The following SIPA1L1 variants were observed in gnomAD, a reference collection of about 807,000 sequenced individuals.
SIPA1L1 encodes the protein signal induced proliferation associated 1 like 1.
SIPA1L1 carries 26 observed loss-of-function variants against 162.7 expected under a neutral mutation model. The observed-to-expected ratio is 0.16, with a 90% CI of 0.12 to 0.22. The LOEUF is 0.22. SIPA1L1 is among the 10% of genes least tolerant of loss of function. The pLI is 1.00. For synonymous variants in SIPA1L1, 829 were observed against 837.4 expected, an observed-to-expected ratio of 0.99 and a Z score of 0.17; for missense variants, 1,874 against 2,241.0, an observed-to-expected ratio of 0.84 and a Z score of 3.31.
At chr14:71,733,918 C>T in intron 21 of SIPA1L1, 106 bp downstream of exon 21, 1 of 1,197,774 alleles carries the variant, frequency 8.3e-7, no homozygotes. Context: ...TGTGCCTCAC[C>T]AGATGAGCTA....
At position 71,718,563 on chromosome 14, in the gene SIPA1L1, T is replaced by C. The variant is rs112731228; in HGVS notation, c.4209-5084T>C. 1.8e-3 allele frequency among the ~76,000 whole-genome samples: 269 copies of C among 152,274 alleles called. 1 individual carries two copies. Among genetic ancestry groups the C allele is most frequent in the Admixed American group, 3.6e-3 (55 of 15,302 alleles). ...TACTTGGGGGGCTAAGGTGGAAGGA[T>C]CGCTTAAGCCCAGGAGGCTGAGGCT... On this transcript the variant is annotated intron_variant, in intron 17 of 23. Coordinates refer to ENST00000381232, the MANE Select transcript of SIPA1L1 (RefSeq NM_001386936.1).
chr14:71,406,586 CT>C (rs1271706248), intron 2 of SIPA1L1, among the ~76,000 whole-genome samples: 1 of 146,022 alleles, frequency 6.8e-6, no homozygotes, highest in Non-Finnish European at 1.6e-5. Context: ...ATTAGATTAC[CT>C]TGGGGGGATT....
chr14:71,530,967 T>C (rs2053388179), intron 4 of SIPA1L1, among the ~76,000 whole-genome samples: 1 of 152,228 alleles, frequency 6.6e-6, no homozygotes. Context: ...TTGGGTATCC[T>C]AGTGATCTGT....
At chr14:71,660,287 A>G (rs2043399521) in intron 9 of SIPA1L1, among the ~76,000 whole-genome samples, 1 of 152,180 alleles carries the variant, frequency 6.6e-6, no homozygotes, top group Admixed American at 6.5e-5. Context: ...TTTGTATATC[A>G]TATTTAGAAA....
chr14:71,395,237 GTTGTT>G (rs997432065), intron 2 of SIPA1L1, among the ~76,000 whole-genome samples: 4 of 152,174 alleles, frequency 2.6e-5, no homozygotes, highest in African/African-American at 9.6e-5. Flanking sequence ...CAGAGCATGT[GTTGTT>G]TTGTTTTGTG....
chr14:71,396,224 C>G (rs1247151189), intron 2 of SIPA1L1, among the ~76,000 whole-genome samples: 1 of 152,116 alleles, frequency 6.6e-6, no homozygotes, highest in Non-Finnish European at 1.5e-5. Flanking sequence ...TGTTCTAGAT[C>G]CCATCAATAT....
In SIPA1L1 at chr14:71,529,371, G is replaced by GT; in HGVS notation, c.-303+2dup. On this transcript the variant is annotated splice_donor_variant, in intron 4 of 23. Transcript: ENST00000381232. LOFTEE classifies it low-confidence loss of function (5UTR_SPLICE). ...TCGGTAGCCATGGCACAAGAATATA[G>GT]TAAGTACTATGCCATACTTCCTATG... is the stretch of plus-strand genomic sequence containing the variant. 1 of 680,500 alleles carries GT rather than the reference G, an allele frequency of 1.5e-6. No individual in the cohort carries two copies. Among genetic ancestry groups the GT allele is most frequent in the South Asian group, 1.6e-5 (1 of 63,302 alleles). The allele number at this position is 680,500 out of a possible 1,614,324, so 42.2% of individuals were successfully genotyped here. A position where few individuals can be genotyped will look rare whatever the true frequency, so the allele number is the denominator to read the frequency against.
intron 4 of SIPA1L1, among the ~76,000 whole-genome samples, chr14:71,558,720 G>C (rs1482771319): frequency 2.0e-5 from 3 of 152,150 alleles, no homozygotes; most frequent in African/African-American, 7.2e-5. Flanking sequence ...GATTTGCTCT[G>C]TCACCCAGGC....
At chr14:71,522,498 A>G (rs941029073) in intron 3 of SIPA1L1, among the ~76,000 whole-genome samples, 1 of 152,186 alleles carries the variant, frequency 6.6e-6, no homozygotes, top group African/African-American at 2.4e-5. Context: ...TTTCTAGTTG[A>G]GCATCCCTAT....
intron 2 of SIPA1L1, among the ~76,000 whole-genome samples, chr14:71,471,234 G>C (rs892902546): frequency 6.6e-6 from 1 of 152,168 alleles, no homozygotes; most frequent in South Asian, 2.1e-4. Context: ...ACTTTGGGAG[G>C]CTGAGGCAGG....
At chr14:71,717,283 T>A (rs2083346557) in intron 17 of SIPA1L1, among the ~76,000 whole-genome samples, 1 of 152,178 alleles carries the variant, frequency 6.6e-6, no homozygotes, top group Admixed American at 6.5e-5. Context: ...GAATCTAAGG[T>A]TGTTCCTTTT....
intron 4 of SIPA1L1, among the ~76,000 whole-genome samples, chr14:71,562,067 T>C (rs577862006): frequency 6.6e-6 from 1 of 152,154 alleles, no homozygotes; most frequent in South Asian, 2.1e-4. Flanking sequence ...TTAATATTTT[T>C]TCTGAACAAT....
chr14:71,493,535 C>A (rs1321580852), intron 2 of SIPA1L1, among the ~76,000 whole-genome samples: 1 of 152,200 alleles, frequency 6.6e-6, no homozygotes, highest in Non-Finnish European at 1.5e-5. Flanking sequence ...ACTGAGGAGA[C>A]TTTCATTATG....
At chr14:71,583,550 A>G (rs1298226030) in intron 4 of SIPA1L1, among the ~76,000 whole-genome samples, 1 of 151,914 alleles carries the variant, frequency 6.6e-6, no homozygotes, top group Admixed American at 6.6e-5. Flanking sequence ...TGTTCCCCCA[A>G]CCCCACCCCC....
chr14:71,608,577 C>G lies in SIPA1L1; in HGVS notation c.1499-10180C>G, dbSNP rs530049436. On this transcript the variant is annotated intron_variant, in intron 5 of 23. Transcript: ENST00000381232. ...TTATAGTCATTGACCATTTGCAAAC[C>G]AAATGCATTTTTTATACTTAAAAAA... 7.9e-5 allele frequency among the ~76,000 whole-genome samples: 12 copies of G among 152,028 alleles called. No homozygotes were observed. The South Asian group carries it at 8.3e-4, about 11-fold the overall frequency.
At chr14:71,563,634 A>G (rs1372669914) in intron 4 of SIPA1L1, among the ~76,000 whole-genome samples, 1 of 152,066 alleles carries the variant, frequency 6.6e-6, no homozygotes, top group East Asian at 1.9e-4. Context: ...TCTCAATCCT[A>G]TTATTATTCT....
intron 2 of SIPA1L1, among the ~76,000 whole-genome samples, chr14:71,433,409 C>T (rs979110508): frequency 3.3e-5 from 5 of 152,300 alleles, no homozygotes; most frequent in African/African-American, 9.6e-5. Flanking sequence ...CTCAACCTCT[C>T]GGGCTCAAGC....
At chr14:71,428,000 A>T (rs1000693424) in intron 2 of SIPA1L1, among the ~76,000 whole-genome samples, 3 of 150,370 alleles carry the variant, frequency 2.0e-5, no homozygotes, top group African/African-American at 4.9e-5. Flanking sequence ...TTATTTTTTT[A>T]TTTTTATTTT....
chr14:71,417,498 A>G (rs868834763), intron 2 of SIPA1L1, among the ~76,000 whole-genome samples: 1 of 146,492 alleles, frequency 6.8e-6, no homozygotes, highest in African/African-American at 2.5e-5. Context: ...AAAAAAAAAA[A>G]AAAAAGAAAA....
Sources: allele counts gnomAD v4.1 joint callset (sites outside exome capture counted in the v4.1 genomes callset), GRCh38; gene constraint gnomAD v4.1.1; transcripts MANE v1.5; gene names NCBI Gene and HGNC (gene_info 2026-07-23, HGNC 2026-07-21).